Variants in CFAP299 observed in about 807,000 individuals in gnomAD.
CFAP299 encodes the protein cilia- and flagella-associated protein 299.
Under a neutral mutation model 27.0 loss-of-function variants are expected in CFAP299, and 21 were observed. The ratio of observed to expected loss-of-function variants is 0.78; its 90% CI spans 0.55 to 1.12. The LOEUF is 1.12. Ranked by LOEUF, CFAP299 falls within the 50% of genes most tolerant of loss-of-function variation. The probability of loss-of-function intolerance (pLI) is 0.00; values close to 1 mark genes in which losing one functional copy is unlikely to be tolerated. For missense variants in CFAP299, 310 were observed against 276.6 expected (o/e 1.12, Z -0.86); for synonymous variants, 104 against 98.1 (o/e 1.06, Z -0.36).
At chr4:80,649,879 A>G (rs1313061021) in intron 3 of CFAP299, among the ~76,000 whole-genome samples, 1 of 152,062 alleles carries the variant, frequency 6.6e-6, no homozygotes, top group East Asian at 1.9e-4. Context: ...TGTCTTCTTT[A>G]GGTGTTAGGG....
At chr4:80,721,151 A>G (rs184964185) in intron 3 of CFAP299, among the ~76,000 whole-genome samples, 3 of 152,316 alleles carry the variant, frequency 2.0e-5, no homozygotes, top group Admixed American at 2.0e-4. Context: ...ATTTGAATCC[A>G]GAAAGGAAAG....
intron 2 of CFAP299, among the ~76,000 whole-genome samples, chr4:80,551,641 T>C (rs138531827): frequency 4.3e-4 from 66 of 152,294 alleles, no homozygotes; most frequent in African/African-American, 1.5e-3. Flanking sequence ...TTTAGTTATA[T>C]ACATGGAAAT....
intron 2 of CFAP299, among the ~76,000 whole-genome samples, chr4:80,496,395 C>T (rs1032138372): frequency 2.9e-4 from 44 of 152,154 alleles, no homozygotes; most frequent in African/African-American, 9.7e-4. Context: ...GGCATGAACA[C>T]GATGCAGCCA....
At chr4:80,731,756 T>C (rs1723534922) in intron 3 of CFAP299, among the ~76,000 whole-genome samples, 1 of 152,204 alleles carries the variant, frequency 6.6e-6, no homozygotes, top group African/African-American at 2.4e-5. Context: ...TTGGCTGAGT[T>C]GATGTTTATC....
At chr4:80,616,608 C>T (rs1738298483) in intron 3 of CFAP299, among the ~76,000 whole-genome samples, 2 of 151,964 alleles carry the variant, frequency 1.3e-5, no homozygotes, top group South Asian at 4.1e-4. Flanking sequence ...GACACTCAGA[C>T]AATGCTCGTC....
At chr4:80,703,485 G>A (rs7668590) in intron 3 of CFAP299, among the ~76,000 whole-genome samples, 143,861 of 151,728 alleles carry the variant, frequency 0.95, 68,291 homozygotes, top group East Asian at 1. Context: ...GAGACAAGAT[G>A]GAGCCAAAGA....
chr4:80,330,614 T>G, the CFAP299 span, among the ~76,000 whole-genome samples: 2 of 152,190 alleles, frequency 1.3e-5, no homozygotes, highest in African/African-American at 4.8e-5. Context: ...CATCACATTT[T>G]CATGACAACT....
intron 2 of CFAP299, among the ~76,000 whole-genome samples, chr4:80,456,790 T>A (rs765074338): frequency 6.6e-6 from 1 of 152,104 alleles, no homozygotes; most frequent in Non-Finnish European, 1.5e-5. Context: ...CATGTAATCA[T>A]GTAAATGAAT....
chr4:80,724,562 A>G (rs1347436121), intron 3 of CFAP299, among the ~76,000 whole-genome samples: 3 of 152,072 alleles, frequency 2.0e-5, no homozygotes, highest in Admixed American at 6.5e-5. Flanking sequence ...AGGTAAGCCT[A>G]TTTCGTCACT....
Position 80,847,427 on chromosome 4 carries a change from C to T in CFAP299, c.334-22566C>T, listed in dbSNP as rs376608347. Among the ~76,000 whole-genome samples the T allele has an allele frequency of 5.9e-5, 9 of 152,276 alleles. No individual in the cohort carries two copies. In the South Asian group the frequency reaches 1.9e-3, roughly 32 times the overall value. Reference sequence around the variant, plus strand: ...CTTTTTGGGTTCTGATAAACTCTCCCTCTTGGGAGTAGTGTTGGGGGAAGT... The same window carrying T: ...CTTTTTGGGTTCTGATAAACTCTCCTTCTTGGGAGTAGTGTTGGGGGAAGT... On this transcript the variant is annotated intron_variant, in intron 3 of 5. Coordinates refer to ENST00000358105, the MANE Select transcript of CFAP299 (RefSeq NM_152770.3).
intron 3 of CFAP299, among the ~76,000 whole-genome samples, chr4:80,690,154 G>C (rs1258529811): frequency 6.7e-6 from 1 of 149,664 alleles, no homozygotes; most frequent in East Asian, 1.9e-4. Flanking sequence ...AATCAACAAG[G>C]ATACCCAGGT....
intron 2 of CFAP299, among the ~76,000 whole-genome samples, chr4:80,370,253 A>G (rs901218070): frequency 2.6e-5 from 4 of 152,086 alleles, no homozygotes; most frequent in Admixed American, 6.5e-5. Flanking sequence ...CCATTATCCA[A>G]TCACCTCCCA....
chr4:80,743,687 T>G (rs1724417133), intron 3 of CFAP299, among the ~76,000 whole-genome samples: 1 of 152,076 alleles, frequency 6.6e-6, no homozygotes, highest in African/African-American at 2.4e-5. Context: ...TAAAAGAAAA[T>G]GCACTTATTA....
intron 2 of CFAP299, among the ~76,000 whole-genome samples, chr4:80,469,481 T>C (rs1430766809): frequency 6.6e-6 from 1 of 152,228 alleles, no homozygotes; most frequent in Non-Finnish European, 1.5e-5. Context: ...ATTCAAATGA[T>C]ATTTTGTATG....
At chr4:80,394,694 A>C (rs542923444) in intron 2 of CFAP299, among the ~76,000 whole-genome samples, 3 of 152,056 alleles carry the variant, frequency 2.0e-5, no homozygotes, top group Non-Finnish European at 4.4e-5. Flanking sequence ...CCTTTCCCCA[A>C]TGTGTGTTCT....
chr4:80,691,948 C>G (rs9684732), intron 3 of CFAP299, among the ~76,000 whole-genome samples: 17 of 152,026 alleles, frequency 1.1e-4, no homozygotes, highest in Non-Finnish European at 2.5e-4. Context: ...TTCACAATTG[C>G]TTCAAAGAGA....
the CFAP299 span, among the ~76,000 whole-genome samples, chr4:80,324,191 G>A: frequency 8.6e-5 from 13 of 151,942 alleles, no homozygotes; most frequent in South Asian, 2.1e-3. Flanking sequence ...CTGTGTCCAC[G>A]TGAAGAAACG....
chr4:80,593,733 G>C (rs1180804282), intron 3 of CFAP299, among the ~76,000 whole-genome samples: 1 of 152,000 alleles, frequency 6.6e-6, no homozygotes, highest in Non-Finnish European at 1.5e-5. Context: ...CTTTTATTCT[G>C]CTTACTTTGG....
At chr4:80,801,722 A>G (rs1183008389) in intron 3 of CFAP299, among the ~76,000 whole-genome samples, 1 of 152,118 alleles carries the variant, frequency 6.6e-6, no homozygotes, top group Non-Finnish European at 1.5e-5. Flanking sequence ...ATTGGGAAGA[A>G]AGATAAAGAA....
Sources: gnomAD v4.1 joint callset for allele counts (sites outside exome capture counted in the v4.1 genomes callset) on GRCh38, gnomAD v4.1.1 for gene constraint, MANE v1.5 for transcripts, NCBI Gene and HGNC (gene_info 2026-07-23, HGNC 2026-07-21) for gene names.